The following ZNF208 variants were observed in gnomAD, a reference collection of about 807,000 sequenced individuals.
ZNF208 encodes the protein zinc finger protein 95.
ZNF208 carries 10 observed loss-of-function variants against 12.1 expected under a neutral mutation model. The observed-to-expected ratio is 0.83, with a 90% CI of 0.51 to 1.40. ZNF208 has a LOEUF of 1.40. Among genes scored for constraint, ZNF208 ranks in the 40% most tolerant of loss-of-function variants. The probability of loss-of-function intolerance (pLI) is 0.00; values close to 1 mark genes in which losing one functional copy is unlikely to be tolerated. For missense variants in ZNF208, 1,652 were observed against 1,485.0 expected, an observed-to-expected ratio of 1.11 and a Z score of -1.85; for synonymous variants, 497 against 488.4, an observed-to-expected ratio of 1.02 and a Z score of -0.23.
intron 3 of ZNF208, among the ~76,000 whole-genome samples, chr19:21,985,882 C>T (rs557378262): frequency 5.3e-5 from 8 of 152,322 alleles, no homozygotes; most frequent in East Asian, 3.9e-4. Flanking sequence ...GCCCACCATA[C>T]GCAGACCTGA....
chr19:21,972,768 T>A lies in ZNF208; in HGVS notation c.2266A>T (p.Lys756Ter), dbSNP rs370724361. The A allele has an allele frequency of 1.3e-4, 215 of 1,611,948 alleles. 1 individual carries two copies. The East Asian group carries it at 3.6e-3, about 27-fold the overall frequency. The change falls in exon 4 of 4, where the codon AAA (lysine) becomes TAA (stop). Residue 756 changes from lysine (K) to a stop codon, truncating the protein, a stop_gained. Coordinates refer to ENST00000397126, the MANE Select transcript of ZNF208 (RefSeq NM_007153.3). LOFTEE classifies it low-confidence loss of function (END_TRUNC). ...EKPYKCEECG[K>*]AYKWSSTLSY... is the part of the protein sequence containing the mutation. ...AGGGTTGAGGACCACTTATAGGCTTTGCCACATTCTTCACATTTGTAGGGT... is the reference window on the plus strand; with the variant it reads ...AGGGTTGAGGACCACTTATAGGCTTAGCCACATTCTTCACATTTGTAGGGT...
In ZNF208 at chr19:21,973,521, C is replaced by G; in HGVS notation, c.1513G>C (p.Ala505Pro). The G allele has an allele frequency of 1.2e-6, 2 of 1,612,756 alleles. No individual in the cohort carries two copies. Among genetic ancestry groups the G allele is most frequent in the South Asian group, 1.1e-5 (1 of 91,018 alleles). Residue 505 changes from alanine to proline, a missense_variant, in exon 4 of 4, where the codon GCT becomes CCT. By Grantham distance (27) the Ala-to-Pro change is conservative. Coordinates refer to ENST00000397126, the MANE Select transcript of ZNF208 (RefSeq NM_007153.3). ...KPYKCEECGK[A>P]FNWSSNLMEH... ...ATAAGGTTTGAGGACCAGTTGAAAG[C>G]TTTGCCACATTCTTCACATTTGTAG... is the stretch of plus-strand genomic sequence containing the variant.
rs535756357 is a variant in ZNF208, at chr19:21,947,172, G to A, written c.306-13935C>T. ...CAAAATATCTCTAAATTTTTACTCA[G>A]TAAGGGCCTTTCTCTCCCACAGTAA... On this transcript the variant is annotated intron_variant, in intron 4 of 4. Transcript: ENST00000599916. Among the ~76,000 whole-genome samples, 36 of 152,192 alleles carry A rather than the reference G, an allele frequency of 2.4e-4. No homozygotes were observed. In the South Asian group the frequency reaches 7.5e-3, roughly 32 times the overall value.
chr19:21,988,664 T>TA, intron 2 of ZNF208, 119 bp downstream of exon 2: 1 of 1,585,552 alleles, frequency 6.3e-7, no homozygotes, highest in South Asian at 1.1e-5. Flanking sequence ...CTTCCAAATA[T>TA]ACTCTTTTGT....
intron 1 of ZNF208, among the ~76,000 whole-genome samples, chr19:21,990,821 C>T (rs560527172): frequency 2.6e-5 from 4 of 152,268 alleles, no homozygotes; most frequent in South Asian, 2.1e-4. Context: ...AGGTCCTTCA[C>T]GTCCCTTCTA....
chr19:22,003,698 A>T (rs1970995283), intron 1 of ZNF208, among the ~76,000 whole-genome samples: 1 of 152,198 alleles, frequency 6.6e-6, no homozygotes, highest in Non-Finnish European at 1.5e-5. Context: ...GTGATTCCTC[A>T]CTAAACTAAA....
chr19:21,945,264 A>C (rs1263372567), intron 4 of ZNF208, among the ~76,000 whole-genome samples: 2 of 152,186 alleles, frequency 1.3e-5, no homozygotes, highest in African/African-American at 4.8e-5. Context: ...CACACCCTGA[A>C]TCCCTTCTCT....
At position 21,969,974 on chromosome 19, in the gene ZNF208, AAG is replaced by A. The variant is rs1359803572; in HGVS notation, c.*1215_*1216del. On this transcript the variant is annotated 3_prime_UTR_variant, in exon 4 of 4. Coordinates refer to ENST00000397126, the MANE Select transcript of ZNF208 (RefSeq NM_007153.3). The stretch of plus-strand genomic sequence containing the variant: ...TAGTGTAAATGCTTTCCTTTGCAAT[AAG>A]GCATGAGCACTGGTTAAATGTTTGT... Among the ~76,000 whole-genome samples, 3 of 152,158 alleles carry A rather than the reference AAG, an allele frequency of 2.0e-5. No homozygotes were observed. The highest frequency in any genetic ancestry group is 6.6e-5 in the Admixed American group (1 of 15,256).
rs760978600 is a variant in ZNF208, at chr19:21,972,418, C to T, written c.2616G>A (p.Trp872Ter). 4.3e-6 allele frequency: 7 copies of T among 1,611,472 alleles called. No individual in the cohort carries two copies. Among genetic ancestry groups the T allele is most frequent in the Middle Eastern group, 1.7e-4 (1 of 6,050 alleles). The change falls in exon 4 of 4, where the codon TGG (tryptophan) becomes TGA (stop). Residue 872 changes from tryptophan to a stop codon, truncating the protein, a stop_gained. Transcript: ENST00000397126. LOFTEE classifies it low-confidence loss of function (END_TRUNC). ...KCEECGKAYKWPSTLSYHKKI... is the reference protein window; with the variant it reads ...KCEECGKAYK ...TCTTATGATAACTAAGGGTTGAGGGCCATTTATAGGCTTTGCCACATTCTT... is the reference window on the plus strand; with the variant it reads ...TCTTATGATAACTAAGGGTTGAGGGTCATTTATAGGCTTTGCCACATTCTT...
chr19:21,954,868 CCTGT>C (rs1420732900), intron 4 of ZNF208, among the ~76,000 whole-genome samples: 1 of 151,954 alleles, frequency 6.6e-6, no homozygotes, highest in Non-Finnish European at 1.5e-5. Context: ...TGAATTTGAT[CCTGT>C]CATGGTGTTA....
chr19:21,973,703 T>G lies in ZNF208; in HGVS notation c.1331A>C (p.Lys444Thr), dbSNP rs757778735. The G allele has an allele frequency of 6.4e-7, 1 of 1,572,182 alleles. No individual in the cohort carries two copies. The highest frequency in any genetic ancestry group is 8.7e-7 in the Non-Finnish European group (1 of 1,145,104). ...FNWSSNLMEH[K>T]KIHTGETPYK... The stretch of plus-strand genomic sequence containing the variant: ...GGGTGTCTCTCCAGTGTGAATTTTC[T>G]TATGTTCCATAAGGTTTGAGGACCA... The change falls in exon 4 of 4, where the codon AAG (lysine) becomes ACG (threonine). Residue 444 changes from lysine (K) to threonine (T), a missense_variant. Physicochemically the swap from Lys to Thr is moderately conservative, Grantham distance 78 (BLOSUM62 -1). Around this residue, in one of 3 missense-constraint regions of ZNF208, gnomAD observed 1,239 missense variants for 1,086.2 expected, o/e 1.14. Transcript: ENST00000397126.
intron 1 of ZNF208, among the ~76,000 whole-genome samples, chr19:22,004,924 A>G (rs1255013143): frequency 5.3e-5 from 8 of 152,218 alleles, no homozygotes; most frequent in Non-Finnish European, 1.0e-4. Flanking sequence ...AATAAAAGTT[A>G]AAAGAAAACA....
intron 4 of ZNF208, among the ~76,000 whole-genome samples, chr19:21,959,220 A>G (rs1382288984): frequency 6.6e-6 from 1 of 152,200 alleles, no homozygotes; most frequent in Non-Finnish European, 1.5e-5. Flanking sequence ...ATCAGATACT[A>G]ATAAGTGATG....
rs563027081 is a variant in ZNF208, at chr19:21,955,844, G to A, written c.305+18885C>T. 4.6e-5 allele frequency among the ~76,000 whole-genome samples: 7 copies of A among 152,300 alleles called. No individual in the cohort carries two copies. The East Asian group carries it at 1.2e-3, about 25-fold the overall frequency. ...AGCCTTCTTCTCTCAACTCGTCAAA[G>A]TCATTCTCCATCCAGCTTTGTTTCT... On this transcript the variant is annotated intron_variant, in intron 4 of 4. Transcript: ENST00000599916.
At position 21,968,423 on chromosome 19, in the gene ZNF208, T is replaced by C. The variant is rs1254787543; in HGVS notation, c.*2768A>G. 1 of 152,176 alleles carries C rather than the reference T, an allele frequency of 6.6e-6. No individual in the cohort carries two copies. Among genetic ancestry groups the C allele is most frequent in the Admixed American group, 6.6e-5 (1 of 15,266 alleles). 9.4% of individuals were successfully genotyped at this position (152,176 alleles called of 1,614,324 possible). A position where few individuals can be genotyped will look rare whatever the true frequency, so the allele number is the denominator to read the frequency against. Reference sequence around the variant, plus strand: ...ATTTTTGAGTTAATATTGGGTTTTCTTGAATGCTTTTTCTGCCCCTACTGT... The same window carrying C: ...ATTTTTGAGTTAATATTGGGTTTTCCTGAATGCTTTTTCTGCCCCTACTGT... On this transcript the variant is annotated 3_prime_UTR_variant, in exon 4 of 4. Coordinates refer to ENST00000397126, the MANE Select transcript of ZNF208 (RefSeq NM_007153.3).
In ZNF208 at chr19:21,969,162, A is replaced by G. The variant is rs949867027; in HGVS notation, c.*2029T>C. On this transcript the variant is annotated 3_prime_UTR_variant, in exon 4 of 4. Coordinates refer to ENST00000397126, the MANE Select transcript of ZNF208 (RefSeq NM_007153.3). The stretch of plus-strand genomic sequence containing the variant: ...TTTCTTTTTAGTAAACATGTTTAGT[A>G]AACATTTCTTTTTAGTTCCACTATG... 1.3e-5 allele frequency among the ~76,000 whole-genome samples: 2 copies of G among 152,144 alleles called. No homozygotes were observed. The highest frequency in any genetic ancestry group is 4.8e-5 in the African/African-American group (2 of 41,450).
At chr19:22,010,641 G>A in intron 1 of ZNF208, 151 bp downstream of exon 1, 2 of 1,209,896 alleles carry the variant, frequency 1.7e-6, no homozygotes, top group Non-Finnish European at 2.4e-6. Flanking sequence ...TCCATCTTAT[G>A]GCTGAACCGG....
chr19:21,988,758 A>G, intron 2 of ZNF208, 25 bp downstream of exon 2: 1 of 1,605,266 alleles, frequency 6.2e-7, no homozygotes, highest in Non-Finnish European at 8.5e-7. Context: ...GTATACTAGG[A>G]ATTGCGTATT....
Position 21,968,966 on chromosome 19 carries a change from T to C in ZNF208, c.*2225A>G, listed in dbSNP as rs1970223444. Among the ~76,000 whole-genome samples, 1 of 152,122 alleles carries C rather than the reference T, an allele frequency of 6.6e-6. No homozygotes were observed. The highest frequency in any genetic ancestry group is 2.4e-5 in the African/African-American group (1 of 41,436). On this transcript the variant is annotated 3_prime_UTR_variant, in exon 4 of 4. Transcript: ENST00000397126. ...TTGGGTGGCCAAGGTGGGCATATCATGAGGTCAGGAGATAGAGACCGTCCT... is the reference window on the plus strand; with the variant it reads ...TTGGGTGGCCAAGGTGGGCATATCACGAGGTCAGGAGATAGAGACCGTCCT...
Sources: allele counts gnomAD v4.1 joint callset (sites outside exome capture counted in the v4.1 genomes callset), GRCh38; gene constraint gnomAD v4.1.1; regional missense constraint gnomAD v4.1.1; transcripts MANE v1.5; gene names NCBI Gene and HGNC (gene_info 2026-07-23, HGNC 2026-07-21).